The following DOCK3 variants were observed in gnomAD, a reference collection of about 807,000 sequenced individuals.
DOCK3 encodes the protein dedicator of cytokinesis protein 3.
Under a neutral mutation model 265.6 loss-of-function variants are expected in DOCK3, and 60 were observed. The ratio of observed to expected loss-of-function variants is 0.23; its 90% CI spans 0.18 to 0.28. The LOEUF (loss-of-function observed/expected upper bound fraction) is 0.28. Among genes scored for constraint, DOCK3 ranks in the 10% least tolerant of loss-of-function variants. The pLI is 1.00. For missense variants in DOCK3, 1,981 were observed against 2,594.3 expected (o/e 0.76, Z 5.14); for synonymous variants, 881 against 938.0 (o/e 0.94, Z 1.11).
In DOCK3 at chr3:51,310,292, C is replaced by T. The variant is rs1341159051; in HGVS notation, c.2983C>T (p.Arg995Trp). Residue 995 changes from arginine (R) to tryptophan (W), a missense_variant, in exon 28 of 53, where the codon CGG becomes TGG. Arg to Trp is a moderately radical substitution (Grantham distance 101). This residue lies in a region of DOCK3 where 1,357 missense variants were observed against 1,866.8 expected (regional missense o/e 0.73). Transcript: ENST00000266037. The part of the protein sequence containing the change: ...RNLMKMSVFP[R>W]DWMVMRLLTS... ...CCTGATGAAGATGAGTGTCTTCCCT[C>T]GGGACTGGATGGTAATGAGACTGCT... 8 of 1,604,738 alleles carry T rather than the reference C, an allele frequency of 5.0e-6. No individual in the cohort carries two copies. Among genetic ancestry groups the T allele is most frequent in the Non-Finnish European group, 6.8e-6 (8 of 1,175,690 alleles).
At chr3:51,174,076 C>G (rs1403696946) in intron 12 of DOCK3, among the ~76,000 whole-genome samples, 4 of 152,126 alleles carry the variant, frequency 2.6e-5, no homozygotes, top group Admixed American at 2.6e-4. Flanking sequence ...GCTGTCGAAG[C>G]TTTCTGTTGA....
intron 3 of DOCK3, among the ~76,000 whole-genome samples, chr3:50,883,279 AT>A (rs2048150773): frequency 1.3e-5 from 2 of 151,918 alleles, no homozygotes; most frequent in Non-Finnish European, 2.9e-5. Context: ...AAAAAAGGCC[AT>A]TTTGCTAGAT....
chr3:51,117,348 T>G (rs184571597), intron 9 of DOCK3, among the ~76,000 whole-genome samples: 4 of 152,324 alleles, frequency 2.6e-5, no homozygotes, highest in Admixed American at 2.6e-4. Flanking sequence ...TTTGATATGC[T>G]GCTGGAATTG....
chr3:51,026,878 G>T (rs754481639), intron 5 of DOCK3, among the ~76,000 whole-genome samples: 1 of 151,818 alleles, frequency 6.6e-6, no homozygotes, highest in Non-Finnish European at 1.5e-5. Context: ...TGTTAATCTA[G>T]CTAGCAGTCT....
chr3:51,053,122 T>TATA (rs2081070112), intron 5 of DOCK3, among the ~76,000 whole-genome samples: 1 of 112,202 alleles, frequency 8.9e-6, no homozygotes, highest in Non-Finnish European at 1.9e-5. Context: ...TATATATATA[T>TATA]GGATTTTAAG....
chr3:51,031,090 C>T (rs4402961), intron 5 of DOCK3, among the ~76,000 whole-genome samples: 8 of 152,208 alleles, frequency 5.3e-5, no homozygotes, highest in Non-Finnish European at 1.0e-4. Flanking sequence ...ACTATCATCA[C>T]TAGGACACAG....
intron 5 of DOCK3, among the ~76,000 whole-genome samples, chr3:50,936,741 C>T (rs2051384056): frequency 6.6e-6 from 1 of 152,060 alleles, no homozygotes; most frequent in Non-Finnish European, 1.5e-5. Flanking sequence ...ATAATCAACC[C>T]ATATCAGAAG....
At chr3:51,107,894 T>C (rs1489470503) in intron 9 of DOCK3, among the ~76,000 whole-genome samples, 1 of 152,136 alleles carries the variant, frequency 6.6e-6, no homozygotes. Context: ...CATCATATTC[T>C]TCAAGGTTGA....
intron 5 of DOCK3, among the ~76,000 whole-genome samples, chr3:51,060,233 A>G (rs1488921633): frequency 2.6e-5 from 4 of 151,908 alleles, no homozygotes; most frequent in Admixed American, 2.6e-4. Flanking sequence ...AGCCACCACA[A>G]TGCCAAATCC....
chr3:51,255,437 T>C (rs1465587780), intron 22 of DOCK3, among the ~76,000 whole-genome samples: 4 of 152,228 alleles, frequency 2.6e-5, no homozygotes, highest in Non-Finnish European at 5.9e-5. Context: ...GGGGAAGTTC[T>C]CCTGGATAAT....
Position 50,937,367 on chromosome 3 carries a change from A to G in DOCK3, c.315+3290A>G, listed in dbSNP as rs138262564. Among the ~76,000 whole-genome samples the G allele has an allele frequency of 2.7e-4, 41 of 151,852 alleles. No homozygotes were observed. In the East Asian group the frequency reaches 8.0e-3, roughly 30 times the overall value. ...ACTACATTCCATTTTAAGTATTAAA[A>G]CATTCGGCTGGGCACGGTGGCTCAC... On this transcript the variant is annotated intron_variant, in intron 5 of 52. Coordinates refer to ENST00000266037, the MANE Select transcript of DOCK3 (RefSeq NM_004947.5).
At chr3:50,874,061 C>CTTTTTTTT (rs1234594228) in intron 3 of DOCK3, among the ~76,000 whole-genome samples, 2 of 104,574 alleles carry the variant, frequency 1.9e-5, no homozygotes. Flanking sequence ...TTTTTCTTTT[C>CTTTTTTTT]TTTTGTTTTT....
Position 50,821,360 on chromosome 3 carries a change from C to T in DOCK3, c.122-20315C>T, listed in dbSNP as rs376894968. 2.0e-4 allele frequency among the ~76,000 whole-genome samples: 31 copies of T among 151,834 alleles called. 1 individual carries two copies. The East Asian group carries it at 3.9e-3, about 19-fold the overall frequency. On this transcript the variant is annotated intron_variant, in intron 2 of 52. Transcript: ENST00000266037. ...TGTCGCCCAGGCTGGAGTGCAGTGGCGTGATCTCAGCTCACTGCAAGCTCC... is the reference window on the plus strand; with the variant it reads ...TGTCGCCCAGGCTGGAGTGCAGTGGTGTGATCTCAGCTCACTGCAAGCTCC...
intron 5 of DOCK3, among the ~76,000 whole-genome samples, chr3:51,004,714 G>GTTT (rs56348225): frequency 2.5e-5 from 3 of 118,704 alleles, no homozygotes; most frequent in Non-Finnish European, 3.5e-5. Context: ...AGAGATTTAA[G>GTTT]TTTTTTTTTT....
chr3:51,143,542 T>C (rs912695077), intron 9 of DOCK3, among the ~76,000 whole-genome samples: 1 of 152,186 alleles, frequency 6.6e-6, no homozygotes, highest in African/African-American at 2.4e-5. Context: ...AGTGCTGGGA[T>C]TACAAGTGTG....
intron 5 of DOCK3, among the ~76,000 whole-genome samples, chr3:51,056,063 G>T (rs912820040): frequency 6.6e-6 from 1 of 152,002 alleles, no homozygotes; most frequent in Admixed American, 6.6e-5. Flanking sequence ...TTTTCATATC[G>T]CTTCTTTGCA....
At chr3:51,104,859 G>A (rs2109767918) in intron 9 of DOCK3, among the ~76,000 whole-genome samples, 1 of 152,302 alleles carries the variant, frequency 6.6e-6, no homozygotes, top group East Asian at 1.9e-4. Context: ...TAGAATCACA[G>A]CTCATTGCAG....
chr3:50,677,647 G>A (rs1382735234), intron 1 of DOCK3, among the ~76,000 whole-genome samples: 2 of 152,140 alleles, frequency 1.3e-5, no homozygotes, highest in African/African-American at 4.8e-5. Context: ...AATTTGTGGA[G>A]GAGGGCCTCG....
chr3:51,250,035 G>A (rs572533440), intron 22 of DOCK3, among the ~76,000 whole-genome samples: 1 of 151,806 alleles, frequency 6.6e-6, no homozygotes, highest in South Asian at 2.1e-4. Flanking sequence ...GATTAAGGGC[G>A]GTGCAAGATG....
Sources: allele counts gnomAD v4.1 joint callset (sites outside exome capture counted in the v4.1 genomes callset), GRCh38; gene constraint gnomAD v4.1.1; regional missense constraint gnomAD v4.1.1; transcripts MANE v1.5; gene names NCBI Gene and HGNC (gene_info 2026-07-23, HGNC 2026-07-21).